The following R3HDM4 variants were observed in gnomAD, a reference collection of about 807,000 sequenced individuals.
R3HDM4 encodes the protein R3H domain-containing protein 4.
In R3HDM4, 30 loss-of-function variants were observed where a neutral mutation model predicts 31.3. The ratio of observed to expected loss-of-function variants is 0.96; its 90% CI spans 0.72 to 1.30. The LOEUF (loss-of-function observed/expected upper bound fraction) is 1.30. Among genes scored for constraint, R3HDM4 ranks in the 50% most tolerant of loss-of-function variants. The pLI is 0.00. For synonymous variants in R3HDM4, 196 were observed against 156.6 expected, an observed-to-expected ratio of 1.25 and a Z score of -1.88; for missense variants, 444 against 366.1, an observed-to-expected ratio of 1.21 and a Z score of -1.74.
chr19:898,530 T>G (rs1599355564), intron 7 of R3HDM4, among the ~76,000 whole-genome samples: 1 of 150,874 alleles, frequency 6.6e-6, no homozygotes, highest in Non-Finnish European at 1.5e-5. Flanking sequence ...AACCCGGAGG[T>G]GGAGGTTGCA....
chr19:902,635 C>CA (rs903417934), intron 1 of R3HDM4: 10 of 148,134 alleles, frequency 6.8e-5, no homozygotes, highest in Admixed American at 1.3e-4. Flanking sequence ...AGACTGTGTC[C>CA]AAAAAAAATA....
At position 913,052 on chromosome 19, in the gene R3HDM4, C is replaced by CGT; in HGVS notation, c.71+34_71+35insAC. On this transcript the variant is annotated intron_variant, in intron 1 of 7. Transcript: ENST00000361574. The surrounding 1 kb of genome is among the most constrained non-coding windows in gnomAD (Gnocchi z 5.0). Reference sequence around the variant, plus strand: ...TCAGGGGAGGGAGCCCAGCCCGCCCCCGGCGCCCGCCGCGCCCCGCCCGCC... The same window carrying CGT: ...TCAGGGGAGGGAGCCCAGCCCGCCCCGTCGGCGCCCGCCGCGCCCCGCCCGCC... 1.1e-6 allele frequency: 1 copy of CGT among 932,146 alleles called. No homozygotes were observed. Among genetic ancestry groups the CGT allele is most frequent in the Non-Finnish European group, 1.3e-6 (1 of 769,910 alleles). The allele number at this position is 932,146 out of a possible 1,614,324, so 57.7% of individuals were successfully genotyped here.
intron 1 of R3HDM4, among the ~76,000 whole-genome samples, chr19:909,522 G>A (rs1389978682): frequency 6.6e-6 from 1 of 152,212 alleles, no homozygotes; most frequent in Non-Finnish European, 1.5e-5. Context: ...GGTGCCAGGC[G>A]TGGTGGTTCA....
intron 1 of R3HDM4, among the ~76,000 whole-genome samples, chr19:905,436 CG>C (rs1372098185): frequency 1.4e-5 from 2 of 147,630 alleles, no homozygotes; most frequent in African/African-American, 5.1e-5. Flanking sequence ...ACCCAGGAGA[CG>C]GAGGTTGCGG....
intron 1 of R3HDM4, among the ~76,000 whole-genome samples, chr19:903,997 G>C (rs1411273543): frequency 6.6e-6 from 1 of 151,928 alleles, no homozygotes; most frequent in Non-Finnish European, 1.5e-5. Flanking sequence ...CTTGCAGTGA[G>C]CCGAGATCGT....
Position 900,187 on chromosome 19 carries a change from G to A in R3HDM4, c.476-41C>T, listed in dbSNP as rs764234809. 7.4e-6 allele frequency: 11 copies of A among 1,482,322 alleles called. No homozygotes were observed. The African/African-American group carries it at 1.0e-4, about 14-fold the overall frequency. The allele number at this position is 1,482,322 out of a possible 1,614,324, so 91.8% of individuals were successfully genotyped here. Reference sequence around the variant, plus strand: ...AACAAGGGGCAGTCTTGGGGTGCTCGTCCTGGCCCTGCCCACCTGCCAGAC... The same window carrying A: ...AACAAGGGGCAGTCTTGGGGTGCTCATCCTGGCCCTGCCCACCTGCCAGAC... On this transcript the variant is annotated intron_variant, in intron 4 of 7. Coordinates refer to ENST00000361574, the MANE Select transcript of R3HDM4 (RefSeq NM_138774.4).
At position 899,416 on chromosome 19, in the gene R3HDM4, G is replaced by A; in HGVS notation, c.703+24C>T. 2 of 1,613,140 alleles carry A rather than the reference G, an allele frequency of 1.2e-6. No individual in the cohort carries two copies. The highest frequency in any genetic ancestry group is 8.5e-7 in the Non-Finnish European group (1 of 1,179,576). ...CCCAGGTTGAGCTGGCCAACTTGGG[G>A]TCTTGGGGGCCACCGGCACTTACTG... is the stretch of plus-strand genomic sequence containing the variant. On this transcript the variant is annotated intron_variant, in intron 7 of 7. Coordinates refer to ENST00000361574, the MANE Select transcript of R3HDM4 (RefSeq NM_138774.4). This position sits in a 1 kb window ranked among gnomAD's most constrained non-coding sequence, Gnocchi z 6.8.
intron 7 of R3HDM4, among the ~76,000 whole-genome samples, chr19:897,877 G>A (rs1163236915): frequency 2.0e-5 from 3 of 152,198 alleles, no homozygotes; most frequent in Non-Finnish European, 4.4e-5. Flanking sequence ...CTCCCCTCAG[G>A]CTCCCTGCCC....
In R3HDM4 at chr19:900,860, C is replaced by T. The variant is rs200874967; in HGVS notation, c.444G>A (p.Arg148=). Residue 148 remains arginine (R), a synonymous_variant, in exon 4 of 8, where the codon AGG becomes AGA. Coordinates refer to ENST00000361574, the MANE Select transcript of R3HDM4 (RefSeq NM_138774.4). ...EDEGRSKARR[R]GPGRGEDRRR... ...TCCGGTCCTCCCCACGGCCAGGGCCCCTCCTCCGCGCCTTGCTCCTGCCCT... is the reference window on the plus strand; with the variant it reads ...TCCGGTCCTCCCCACGGCCAGGGCCTCTCCTCCGCGCCTTGCTCCTGCCCT... The T allele has an allele frequency of 1.7e-3, 2,717 of 1,553,240 alleles. 6 individuals carry two copies. Among genetic ancestry groups the T allele is most frequent in the Non-Finnish European group, 1.8e-3 (2,046 of 1,150,414 alleles).
chr19:910,744 T>A (rs1273124596), intron 1 of R3HDM4, among the ~76,000 whole-genome samples: 1 of 152,078 alleles, frequency 6.6e-6, no homozygotes, highest in African/African-American at 2.4e-5. Context: ...ATCACCTCGG[T>A]AGAGATGGGT....
At chr19:905,513 A>C (rs562118694) in intron 1 of R3HDM4, among the ~76,000 whole-genome samples, 1,984 of 149,942 alleles carry the variant, frequency 0.013, 52 homozygotes, top group African/African-American at 0.046. Context: ...CTCAAAAAAA[A>C]AAAAAAAAAC....
intron 3 of R3HDM4, 33 bp from the exon 4 acceptor site, chr19:900,985 G>C (rs2036828712): frequency 6.5e-7 from 1 of 1,536,102 alleles, no homozygotes; most frequent in Non-Finnish European, 8.8e-7. Context: ...GGCTTGCCAT[G>C]AAACACTGGG....
rs528352987 is a variant in R3HDM4, at chr19:910,312, C to G, written c.71+2775G>C. ...TGTACTCCAGCCTGGGCAACAAGAGCGAAACCATCTCAAAAAAAAAAAAAT... is the reference window on the plus strand; with the variant it reads ...TGTACTCCAGCCTGGGCAACAAGAGGGAAACCATCTCAAAAAAAAAAAAAT... On this transcript the variant is annotated intron_variant, in intron 1 of 7. Coordinates refer to ENST00000361574, the MANE Select transcript of R3HDM4 (RefSeq NM_138774.4). Among the ~76,000 whole-genome samples the G allele has an allele frequency of 4.8e-5, 7 of 145,910 alleles. No individual in the cohort carries two copies. The South Asian group carries it at 1.3e-3, about 27-fold the overall frequency.
chr19:903,080 G>T (rs1189075195), intron 1 of R3HDM4, among the ~76,000 whole-genome samples: 2 of 152,166 alleles, frequency 1.3e-5, no homozygotes, highest in African/African-American at 4.8e-5. Flanking sequence ...CAAGGTGTTA[G>T]CTGTAAGCCA....
At position 899,154 on chromosome 19, in the gene R3HDM4, TTCA is replaced by T. The variant is rs1357051033; in HGVS notation, c.703+283_703+285del. ...TCTGGGAGGTCCCTCAAATCCAGGC[TTCA>T]TCACCCCCACCCCGGGCCCCGAAGA... On this transcript the variant is annotated intron_variant, in intron 7 of 7. Coordinates refer to ENST00000361574, the MANE Select transcript of R3HDM4 (RefSeq NM_138774.4). The surrounding 1 kb of genome is among the most constrained non-coding windows in gnomAD (Gnocchi z 6.8). 6.6e-6 allele frequency among the ~76,000 whole-genome samples: 1 copy of T among 152,048 alleles called. No individual in the cohort carries two copies. Among genetic ancestry groups the T allele is most frequent in the Non-Finnish European group, 1.5e-5 (1 of 67,972 alleles).
intron 1 of R3HDM4, among the ~76,000 whole-genome samples, chr19:904,827 C>T (rs1217029132): frequency 1.3e-5 from 2 of 151,996 alleles, no homozygotes; most frequent in Non-Finnish European, 2.9e-5. Context: ...GGGCAATGCT[C>T]TCCAGGGTCC....
rs200920575 is a variant in R3HDM4 at position 902,076 on chromosome 19, C to T, written c.126G>A (p.Ser42=). 6.8e-6 allele frequency: 11 copies of T among 1,613,882 alleles called. No individual in the cohort carries two copies. Among genetic ancestry groups the T allele is most frequent in the East Asian group, 2.2e-5 (1 of 44,888 alleles). The change falls in exon 2 of 8, where the codon TCG becomes TCA. Residue 42 remains serine, a synonymous_variant. Coordinates refer to ENST00000361574, the MANE Select transcript of R3HDM4 (RefSeq NM_138774.4). ...ALASSQVKRL[S]ASRRKQHFIN... ...TGAAGTGCTGTTTCCGCCTGGAAGC[C>T]GAGAGTCTCTTCACCTGGGAGCTGG...
At chr19:901,813 T>A (rs1294461620) in intron 2 of R3HDM4, 163 bp downstream of exon 2, 6 of 720,196 alleles carry the variant, frequency 8.3e-6, no homozygotes, top group African/African-American at 1.8e-5. Context: ...GGCGCCTGTG[T>A]CTGGCTCTAT....
At chr19:910,619 CA>C (rs2036959760) in intron 1 of R3HDM4, among the ~76,000 whole-genome samples, 2 of 151,214 alleles carry the variant, frequency 1.3e-5, no homozygotes, top group African/African-American at 4.9e-5. Flanking sequence ...AAAACAAAAA[CA>C]AAAACAAAAA....
Sources: allele counts gnomAD v4.1 joint callset (sites outside exome capture counted in the v4.1 genomes callset), GRCh38; gene constraint gnomAD v4.1.1; non-coding constraint Gnocchi (gnomAD v3.1); transcripts MANE v1.5; gene names NCBI Gene and HGNC (gene_info 2026-07-23, HGNC 2026-07-21).